The following SLC9C1 variants were observed in gnomAD, a reference collection of about 807,000 sequenced individuals.
SLC9C1 encodes the protein sodium/hydrogen exchanger 10.
Under a neutral mutation model 140.9 loss-of-function variants are expected in SLC9C1, and 97 were observed. That is an observed-to-expected ratio of 0.69 (90% CI 0.58 to 0.82). SLC9C1 has a LOEUF of 0.82. Ranked by LOEUF, SLC9C1 falls within the 40% of genes least tolerant of loss-of-function variation. The pLI is 0.00. For synonymous variants in SLC9C1, 440 were observed against 442.6 expected (o/e 0.99, Z 0.07); for missense variants, 1,340 against 1,389.3 (o/e 0.96, Z 0.56).
At position 112,193,614 on chromosome 3, in the gene SLC9C1, G is replaced by C. The variant is rs147448309; in HGVS notation, c.2523+5707C>G. On this transcript the variant is annotated intron_variant, in intron 20 of 28. Coordinates refer to ENST00000305815, the MANE Select transcript of SLC9C1 (RefSeq NM_183061.3). ...GTTGTGTCTCAGGCTCTGGGTATGG[G>C]GATGGCATGGGGTCATTGGGCAGGC... Among the ~76,000 whole-genome samples, 153 of 152,238 alleles carry C rather than the reference G, an allele frequency of 1.0e-3. 3 individuals carry two copies. In the East Asian group the frequency reaches 0.013, roughly 13 times the overall value.
intron 1 of SLC9C1, 99 bp from the exon 2 acceptor site, chr3:112,286,977 G>A (rs570596636): frequency 5.7e-5 from 26 of 454,436 alleles, no homozygotes; most frequent in East Asian, 4.0e-4. Flanking sequence ...GTGATTTCTC[G>A]TGGTCTGCCA....
At position 112,173,115 on chromosome 3, in the gene SLC9C1, G is replaced by A. The variant is rs147416654; in HGVS notation, c.2920-3787C>T. ...TTGTTTCCTGACAAAGTCTGTGTAAGATTCATATTATTTCTTCCTGAAATA... is the reference window on the plus strand; with the variant it reads ...TTGTTTCCTGACAAAGTCTGTGTAAAATTCATATTATTTCTTCCTGAAATA... On this transcript the variant is annotated intron_variant, in intron 23 of 28. Coordinates refer to ENST00000305815, the MANE Select transcript of SLC9C1 (RefSeq NM_183061.3). Among the ~76,000 whole-genome samples the A allele has an allele frequency of 2.9e-4, 44 of 152,208 alleles. No individual in the cohort carries two copies. The East Asian group carries it at 6.4e-3, about 22-fold the overall frequency.
At chr3:112,151,375 C>T (rs1451091602) in intron 28 of SLC9C1, 1 of 519,036 alleles carries the variant, frequency 1.9e-6, no homozygotes, top group Admixed American at 1.9e-5. Context: ...AAAGACTTTG[C>T]TCATTCTCAC....
intron 2 of SLC9C1, among the ~76,000 whole-genome samples, chr3:112,283,487 A>G (rs567693648): frequency 9.2e-6 from 1 of 109,076 alleles, no homozygotes; most frequent in Non-Finnish European, 2.0e-5. Flanking sequence ...TAAAAAAAAA[A>G]AAAAAAAAGA....
At chr3:112,215,697 A>G (rs1244233133) in intron 15 of SLC9C1, among the ~76,000 whole-genome samples, 1 of 152,228 alleles carries the variant, frequency 6.6e-6, no homozygotes. Context: ...TGCTCAACAA[A>G]ATAAATGAGG....
At chr3:112,184,335 A>G (rs2077492352) in intron 20 of SLC9C1, among the ~76,000 whole-genome samples, 1 of 85,602 alleles carries the variant, frequency 1.2e-5, no homozygotes, top group South Asian at 5.1e-4. Context: ...TTTTGGGACT[A>G]TGATGAAAAA....
At position 112,276,857 on chromosome 3, in the gene SLC9C1, T is replaced by C. The variant is rs576645562; in HGVS notation, c.484+838A>G. On this transcript the variant is annotated intron_variant, in intron 5 of 28. Coordinates refer to ENST00000305815, the MANE Select transcript of SLC9C1 (RefSeq NM_183061.3). ...CTAAAGTGTTATCTCACTCTCTTAA[T>C]GTCCTTTGTCTTGAAGGCTCAGCTC... Among the ~76,000 whole-genome samples, 10 of 152,234 alleles carry C rather than the reference T, an allele frequency of 6.6e-5. No individual in the cohort carries two copies. The South Asian group carries it at 2.1e-3, about 32-fold the overall frequency.
rs541175628 is a variant in SLC9C1, at chr3:112,180,240, G to A, written c.2748+324C>T. Among the ~76,000 whole-genome samples, 42 of 152,300 alleles carry A rather than the reference G, an allele frequency of 2.8e-4. No individual in the cohort carries two copies. In the South Asian group the frequency reaches 7.7e-3, roughly 28 times the overall value. ...AGTGCATTTATAAATAACACTGCCT[G>A]GTCAGGCGCAGTGGCTCACGCCTGT... On this transcript the variant is annotated intron_variant, in intron 22 of 28. Coordinates refer to ENST00000305815, the MANE Select transcript of SLC9C1 (RefSeq NM_183061.3).
At chr3:112,249,609 C>A (rs953307363) in intron 10 of SLC9C1, among the ~76,000 whole-genome samples, 1 of 152,078 alleles carries the variant, frequency 6.6e-6, no homozygotes, top group Non-Finnish European at 1.5e-5. Context: ...GATGCAGAAT[C>A]AATTTTGGAA....
chr3:112,267,254 C>T (rs2079943086), intron 7 of SLC9C1, among the ~76,000 whole-genome samples: 1 of 151,910 alleles, frequency 6.6e-6, no homozygotes, highest in Admixed American at 6.6e-5. Flanking sequence ...ACTCCAGAGC[C>T]TGGGCAACAG....
chr3:112,206,526 A>C (rs1185538049), intron 16 of SLC9C1, among the ~76,000 whole-genome samples: 1 of 152,194 alleles, frequency 6.6e-6, no homozygotes, highest in Non-Finnish European at 1.5e-5. Context: ...TCATGTTACT[A>C]TAAAGACACA....
At position 112,180,601 on chromosome 3, in the gene SLC9C1, G is replaced by A. The variant is rs767628174; in HGVS notation, c.2711C>T (p.Pro904Leu). The change falls in exon 22 of 29, where the codon CCC (proline) becomes CTC (leucine). Residue 904 changes from proline (P) to leucine (L), a missense_variant. Coordinates refer to ENST00000305815, the MANE Select transcript of SLC9C1 (RefSeq NM_183061.3). ...GNDIFEEGDE[P>L]KGIYIIISGM... ...TGAAATAATGATATAGATTCCTTTG[G>A]GCTCATCACCTTCTTCAAATATATC... 2 of 1,612,888 alleles carry A rather than the reference G, an allele frequency of 1.2e-6. No individual in the cohort carries two copies. The highest frequency in any genetic ancestry group is 2.7e-5 in the African/African-American group (2 of 74,790).
intron 19 of SLC9C1, among the ~76,000 whole-genome samples, chr3:112,200,356 A>G (rs2077875666): frequency 6.6e-6 from 1 of 152,136 alleles, no homozygotes; most frequent in Non-Finnish European, 1.5e-5. Context: ...CAAGTAGAGG[A>G]AAAACGTAAC....
chr3:112,184,543 G>C (rs893199997), intron 20 of SLC9C1, among the ~76,000 whole-genome samples: 9 of 151,874 alleles, frequency 5.9e-5, no homozygotes, highest in African/African-American at 1.9e-4. Context: ...GGCTGAGGCA[G>C]GAGATTCGCT....
At chr3:112,190,265 A>G (rs1043676876) in intron 20 of SLC9C1, among the ~76,000 whole-genome samples, 2 of 152,152 alleles carry the variant, frequency 1.3e-5, no homozygotes, top group Admixed American at 1.3e-4. Context: ...AACTTCTAAC[A>G]CTATGTTGAA....
chr3:112,244,816 C>T (rs186057825), intron 10 of SLC9C1, among the ~76,000 whole-genome samples: 1 of 152,184 alleles, frequency 6.6e-6, no homozygotes, highest in Non-Finnish European at 1.5e-5. Context: ...ACACTAGAGG[C>T]TCCCAAAGTT....
At position 112,286,844 on chromosome 3, in the gene SLC9C1, C is replaced by A; in HGVS notation, c.-53G>T. The A allele has an allele frequency of 7.9e-7, 1 of 1,269,394 alleles. No homozygotes were observed. Among genetic ancestry groups the A allele is most frequent in the South Asian group, 1.4e-5 (1 of 72,650 alleles). The allele number at this position is 1,269,394 out of a possible 1,614,324, so 78.6% of individuals were successfully genotyped here. On this transcript the variant is annotated 5_prime_UTR_variant, in exon 2 of 29. An upstream start codon of the reference 5' UTR is lost. Transcript: ENST00000305815. ...ATGTTAGAAGCAATCTCCATATGAT[C>A]ATCCATCTTGTTGTTTTTCACAGTC...
At chr3:112,173,400 A>G (rs538398531) in intron 23 of SLC9C1, among the ~76,000 whole-genome samples, 3 of 152,098 alleles carry the variant, frequency 2.0e-5, no homozygotes, top group Non-Finnish European at 4.4e-5. Context: ...ATGGTACATG[A>G]TAAGTAGTTT....
intron 7 of SLC9C1, among the ~76,000 whole-genome samples, chr3:112,267,701 T>G (rs1373366813): frequency 6.6e-6 from 1 of 152,064 alleles, no homozygotes; most frequent in Non-Finnish European, 1.5e-5. Context: ...CATTATTACA[T>G]TATTGAGTTT....
Sources: gnomAD v4.1 joint callset for allele counts (sites outside exome capture counted in the v4.1 genomes callset) on GRCh38, gnomAD v4.1.1 for gene constraint, MANE v1.5 for transcripts, NCBI Gene and HGNC (gene_info 2026-07-23, HGNC 2026-07-21) for gene names.